Variants in PNKD observed in about 807,000 individuals in gnomAD.
The protein encoded by PNKD is PNKD metallo-beta-lactamase domain containing.
A neutral mutation model predicts 45.3 loss-of-function variants in PNKD; 36 were observed. The ratio of observed to expected loss-of-function variants is 0.80; its 90% CI spans 0.61 to 1.05. The LOEUF is 1.05. PNKD is among the 50% of genes least tolerant of loss of function. PNKD has a pLI of 0.00. For missense variants in PNKD, 511 were observed against 506.6 expected, an observed-to-expected ratio of 1.01 and a Z score of -0.08; for synonymous variants, 197 against 210.1, an observed-to-expected ratio of 0.94 and a Z score of 0.54.
At chr2:218,341,743 G>A (rs1694683345) in intron 6 of PNKD, 117 bp downstream of exon 6, 1 of 845,198 alleles carries the variant, frequency 1.2e-6, no homozygotes, top group Non-Finnish European at 2.0e-6. Context: ...TGCCCTTCCT[G>A]GCCCAATCCC....
At chr2:218,295,497 T>C (rs530744678) in intron 2 of PNKD, among the ~76,000 whole-genome samples, 24 of 151,974 alleles carry the variant, frequency 1.6e-4, no homozygotes, top group African/African-American at 5.1e-4. Flanking sequence ...TCAGAGGAGG[T>C]GACACCTGAG....
At chr2:218,279,651 G>A (rs1691660899) in intron 2 of PNKD, 1 of 487,960 alleles carries the variant, frequency 2.0e-6, no homozygotes. Flanking sequence ...AGCTCAGTCT[G>A]CACGCTCTAT....
In PNKD at chr2:218,275,576, T is replaced by C. The variant is rs754073589; in HGVS notation, c.236+4027T>C. The C allele has an allele frequency of 1.5e-5, 25 of 1,613,802 alleles. No individual in the cohort carries two copies. The highest frequency in any genetic ancestry group is 2.1e-5 in the Non-Finnish European group (25 of 1,179,978). On this transcript the variant is annotated intron_variant, in intron 2 of 9. Transcript: ENST00000273077. ...GTGATGTAGTCCTCGGGGCTGATGGTGTGCTTCCGGTTCCCCAGGACCAGC... is the reference window on the plus strand; with the variant it reads ...GTGATGTAGTCCTCGGGGCTGATGGCGTGCTTCCGGTTCCCCAGGACCAGC...
intron 2 of PNKD, among the ~76,000 whole-genome samples, chr2:218,287,888 C>T (rs890921510): frequency 1.3e-5 from 2 of 152,154 alleles, no homozygotes; most frequent in Admixed American, 1.3e-4. Context: ...ACCGCAGCTC[C>T]GCCACCCTTG....
chr2:218,303,473 A>G (rs1693325532), intron 2 of PNKD, among the ~76,000 whole-genome samples: 1 of 151,770 alleles, frequency 6.6e-6, no homozygotes, highest in Admixed American at 6.6e-5. Flanking sequence ...GAGAGCAGGA[A>G]GGCCTTGAGG....
At chr2:218,278,021 G>A (rs1691423212) in intron 2 of PNKD, 3 of 1,606,988 alleles carry the variant, frequency 1.9e-6, no homozygotes. Flanking sequence ...GGCCCCTCAG[G>A]CGTCAGAGGC....
chr2:218,339,045 C>G (rs1694589660), intron 2 of PNKD, among the ~76,000 whole-genome samples: 1 of 151,988 alleles, frequency 6.6e-6, no homozygotes, highest in Admixed American at 6.6e-5. Flanking sequence ...GATCCTCTCT[C>G]CTTCCCTCCC....
chr2:218,278,207 CTT>C, intron 2 of PNKD: 1 of 608,456 alleles, frequency 1.6e-6, no homozygotes, highest in Non-Finnish European at 2.9e-6. Flanking sequence ...GTTTGCAACT[CTT>C]AAACTGACTG....
intron 2 of PNKD, among the ~76,000 whole-genome samples, chr2:218,337,031 C>T (rs1376397011): frequency 6.6e-6 from 1 of 151,802 alleles, no homozygotes; most frequent in Non-Finnish European, 1.5e-5. Flanking sequence ...AATTCCTGAC[C>T]TCAAGTGATC....
At chr2:218,282,345 C>T (rs1692107456) in intron 2 of PNKD, 1 of 489,998 alleles carries the variant, frequency 2.0e-6, no homozygotes, top group East Asian at 3.6e-5. Context: ...GCCACCTCCC[C>T]ACCAACTGGG....
chr2:218,344,917 A>ACTACTCC lies in PNKD; in HGVS notation c.1096_1102dup (p.Arg368LeufsTer49). ...GGGCCGGGCCCCACTGGGGATGATG[A>ACTACTCC]CTACTCCCGGGCCCAGCTCCTGGAA... On this transcript the variant is annotated frameshift_variant, in exon 10 of 10. Coordinates refer to ENST00000273077, the MANE Select transcript of PNKD (RefSeq NM_015488.5). LOFTEE classifies it high-confidence loss of function. 1 of 1,613,982 alleles carries ACTACTCC rather than the reference A, an allele frequency of 6.2e-7. No homozygotes were observed. The highest frequency in any genetic ancestry group is 1.1e-5 in the South Asian group (1 of 91,078).
chr2:218,342,931 TG>T (rs773837522), intron 7 of PNKD, among the ~76,000 whole-genome samples: 16 of 152,210 alleles, frequency 1.1e-4, no homozygotes, highest in Non-Finnish European at 2.1e-4. Context: ...ATTGTGCCAC[TG>T]CACTGCAGCC....
chr2:218,301,746 C>A (rs148766008), intron 2 of PNKD, among the ~76,000 whole-genome samples: 73 of 152,196 alleles, frequency 4.8e-4, no homozygotes, highest in African/African-American at 1.7e-3. Context: ...TGTGATTATG[C>A]CACTCCAGCC....
At chr2:218,315,403 C>T (rs1200378799) in intron 2 of PNKD, among the ~76,000 whole-genome samples, 2 of 150,918 alleles carry the variant, frequency 1.3e-5, no homozygotes, top group East Asian at 2.0e-4. Context: ...GGCCTCCACC[C>T]GCCTCGGCCT....
intron 2 of PNKD, chr2:218,327,662 C>T: frequency 6.5e-6 from 1 of 152,900 alleles, no homozygotes; most frequent in Non-Finnish European, 1.5e-5. Context: ...CAGGCCTTTG[C>T]AGCCTTCCCA....
chr2:218,325,198 C>CTTTTTTTTTTT (rs746439948), intron 2 of PNKD, among the ~76,000 whole-genome samples: 1 of 39,758 alleles, frequency 2.5e-5, no homozygotes, highest in Non-Finnish European at 4.0e-5. Context: ...CGCACCCGGC[C>CTTTTTTTTTTT]TTTTTTTTTT....
intron 2 of PNKD, among the ~76,000 whole-genome samples, chr2:218,320,094 G>C (rs970039350): frequency 6.6e-6 from 1 of 152,212 alleles, no homozygotes; most frequent in Non-Finnish European, 1.5e-5. Flanking sequence ...TATTGAGCAG[G>C]GGCTTTGTGG....
chr2:218,325,714 A>G (rs546429878), intron 2 of PNKD, among the ~76,000 whole-genome samples: 10 of 152,342 alleles, frequency 6.6e-5, no homozygotes, highest in Middle Eastern at 3.4e-3. Context: ...CAGGATCACT[A>G]TCTCAGAATC....
At chr2:218,280,100 C>T (rs1184720146) in intron 2 of PNKD, 3 of 1,614,146 alleles carry the variant, frequency 1.9e-6, no homozygotes, top group Non-Finnish European at 2.5e-6. Context: ...ACTGCTCTCT[C>T]CTCCCCATCA....
Sources: gnomAD v4.1 joint callset for allele counts (sites outside exome capture counted in the v4.1 genomes callset) on GRCh38, gnomAD v4.1.1 for gene constraint, MANE v1.5 for transcripts, NCBI Gene and HGNC (gene_info 2026-07-23, HGNC 2026-07-21) for gene names.